Variants in GADL1 observed in about 807,000 individuals in gnomAD.
The protein encoded by GADL1 is acidic amino acid decarboxylase GADL1.
Under a neutral mutation model 69.5 loss-of-function variants are expected in GADL1, and 71 were observed. That is an observed-to-expected ratio of 1.02 (90% confidence interval 0.84 to 1.25). The LOEUF is 1.25. Among genes scored for constraint, GADL1 ranks in the 50% most tolerant of loss-of-function variants. GADL1 has a pLI of 0.00. For missense variants in GADL1, 737 were observed against 631.8 expected (o/e 1.17, Z -1.79); for synonymous variants, 254 against 214.4 (o/e 1.18, Z -1.62).
chr3:30,760,579 C>A (rs900601978), intron 14 of GADL1, among the ~76,000 whole-genome samples: 2 of 152,160 alleles, frequency 1.3e-5, no homozygotes, highest in Non-Finnish European at 2.9e-5. Context: ...CATCTATACA[C>A]AAAATCTGTT....
intron 8 of GADL1, 61 bp downstream of exon 8, chr3:30,844,149 G>A (rs768782334): frequency 2.3e-6 from 3 of 1,300,482 alleles, no homozygotes; most frequent in African/African-American, 1.5e-5. Context: ...TCTTTCATAA[G>A]CGCGCGGGCG....
chr3:30,754,860 A>ATT (rs10687426), intron 14 of GADL1, among the ~76,000 whole-genome samples: 7,227 of 151,880 alleles, frequency 0.048, 555 homozygotes, highest in African/African-American at 0.16. Flanking sequence ...CAGGGCACTG[A>ATT]TTTTTTTTCT....
intron 13 of GADL1, among the ~76,000 whole-genome samples, chr3:30,781,810 A>C (rs1696671352): frequency 6.6e-6 from 1 of 152,228 alleles, no homozygotes; most frequent in African/African-American, 2.4e-5. Context: ...CACAGCAAGC[A>C]CTGGTCAGTT....
rs764490080 is a variant in GADL1 at position 30,839,514 on chromosome 3, C to CAAAAAAAAAAAAAAAA, written c.787-402_787-401insTTTTTTTTTTTTTTTT. On this transcript the variant is annotated intron_variant, in intron 8 of 14. Transcript: ENST00000282538. Reference sequence around the variant, plus strand: ...CATTGTGCCATCATTGTCATCTTCTCAAAAAAAAAAAAAGGTTGGAAGACA... The same window carrying CAAAAAAAAAAAAAAAA: ...CATTGTGCCATCATTGTCATCTTCTCAAAAAAAAAAAAAAAAAAAAAAAAAAAAAGGTTGGAAGACA... 6.5e-4 allele frequency among the ~76,000 whole-genome samples: 69 copies of CAAAAAAAAAAAAAAAA among 105,536 alleles called. 2 individuals carry two copies. The highest frequency in any genetic ancestry group is 1.4e-3 in the African/African-American group (28 of 20,318). 69.2% of individuals were successfully genotyped at this position (105,536 alleles called of 152,430 possible).
intron 6 of GADL1, among the ~76,000 whole-genome samples, chr3:30,844,737 TC>T (rs1221195195): frequency 6.6e-6 from 1 of 152,110 alleles, no homozygotes; most frequent in Non-Finnish European, 1.5e-5. Flanking sequence ...AATTTCCTAC[TC>T]TTTAAAGGGA....
intron 14 of GADL1, among the ~76,000 whole-genome samples, chr3:30,768,841 C>G (rs1371054772): frequency 6.6e-6 from 1 of 152,184 alleles, no homozygotes; most frequent in Non-Finnish European, 1.5e-5. Flanking sequence ...ATTTTCACAG[C>G]ATTTGTTCAC....
intron 1 of GADL1, among the ~76,000 whole-genome samples, chr3:30,862,252 C>CAG (rs1390037618): frequency 6.6e-6 from 1 of 152,006 alleles, no homozygotes; most frequent in Non-Finnish European, 1.5e-5. Context: ...ATCCTTTCCT[C>CAG]AGAGACAGCC....
At chr3:30,748,850 T>C (rs1352450439) in intron 14 of GADL1, among the ~76,000 whole-genome samples, 2 of 152,242 alleles carry the variant, frequency 1.3e-5, no homozygotes, top group East Asian at 1.9e-4. Context: ...TTTATTTATT[T>C]ATTTATTGAA....
In GADL1 at chr3:30,865,284, AATATAT is replaced by A. The variant is rs5847673; in HGVS notation, c.38-3525_38-3520del. On this transcript the variant is annotated intron_variant, in intron 1 of 14. Transcript: ENST00000282538. ...GGGATATATAATACCCACGTAAATT[AATATAT>A]ATATATATATATATATTTTTTAATA... is the stretch of plus-strand genomic sequence containing the variant. Among the ~76,000 whole-genome samples, 300 of 121,520 alleles carry A rather than the reference AATATAT, an allele frequency of 2.5e-3. 4 individuals carry two copies. The highest frequency in any genetic ancestry group is 0.012 in the African/African-American group (286 of 23,590). 79.7% of individuals were successfully genotyped at this position (121,520 alleles called of 152,430 possible). A position where few individuals can be genotyped will look rare whatever the true frequency, so the allele number is the denominator to read the frequency against.
intron 14 of GADL1, among the ~76,000 whole-genome samples, chr3:30,772,092 C>T (rs1207475625): frequency 6.6e-6 from 1 of 152,112 alleles, no homozygotes; most frequent in Non-Finnish European, 1.5e-5. Flanking sequence ...AGAAACCTGC[C>T]AGGGAGAATA....
intron 14 of GADL1, among the ~76,000 whole-genome samples, chr3:30,768,043 C>A (rs998668046): frequency 1.3e-5 from 2 of 151,100 alleles, no homozygotes; most frequent in African/African-American, 4.9e-5. Flanking sequence ...ATACCCCCCC[C>A]CCCCTTATCC....
chr3:30,763,347 C>T (rs1243478955), intron 14 of GADL1, among the ~76,000 whole-genome samples: 4 of 151,836 alleles, frequency 2.6e-5, no homozygotes, highest in Non-Finnish European at 5.9e-5. Context: ...AAAAATAACA[C>T]AAAAAATTAA....
intron 2 of GADL1, among the ~76,000 whole-genome samples, chr3:30,858,336 G>T (rs781751847): frequency 6.6e-6 from 1 of 152,030 alleles, no homozygotes; most frequent in African/African-American, 2.4e-5. Flanking sequence ...TAGGACAGGG[G>T]AATGAAAGGA....
At chr3:30,734,394 C>T (rs1442774444) in intron 14 of GADL1, among the ~76,000 whole-genome samples, 1 of 152,256 alleles carries the variant, frequency 6.6e-6, no homozygotes, top group East Asian at 1.9e-4. Context: ...CTGAATTATT[C>T]TGCCTGTAAA....
chr3:30,812,632 G>T (rs1452746753), intron 11 of GADL1, among the ~76,000 whole-genome samples: 1 of 152,130 alleles, frequency 6.6e-6, no homozygotes, highest in Non-Finnish European at 1.5e-5. Context: ...TTTGGGTGGG[G>T]ATAGAGGCAA....
At chr3:30,815,951 T>TA (rs963712985) in intron 11 of GADL1, among the ~76,000 whole-genome samples, 6 of 152,144 alleles carry the variant, frequency 3.9e-5, no homozygotes, top group Non-Finnish European at 7.3e-5. Flanking sequence ...GCATGTTATT[T>TA]ATGCTTTCTG....
At chr3:30,778,392 A>G (rs539243848) in intron 13 of GADL1, 124 bp from the exon 14 acceptor site, 1 of 638,142 alleles carries the variant, frequency 1.6e-6, no homozygotes, top group Non-Finnish European at 2.8e-6. Context: ...TTAACATCAG[A>G]ATCTTATAGA....
intron 11 of GADL1, among the ~76,000 whole-genome samples, chr3:30,805,202 G>T (rs1236036990): frequency 6.6e-6 from 1 of 152,078 alleles, no homozygotes; most frequent in African/African-American, 2.4e-5. Context: ...CAACTCCATT[G>T]TACATTTTGC....
At chr3:30,743,799 G>C (rs988459527) in intron 14 of GADL1, among the ~76,000 whole-genome samples, 12 of 152,292 alleles carry the variant, frequency 7.9e-5, no homozygotes, top group Non-Finnish European at 1.5e-4. Context: ...CCCACACACA[G>C]GGCCTGCTGT....
Sources: gnomAD v4.1 joint callset for allele counts (sites outside exome capture counted in the v4.1 genomes callset) on GRCh38, gnomAD v4.1.1 for gene constraint, MANE v1.5 for transcripts, NCBI Gene and HGNC (gene_info 2026-07-23, HGNC 2026-07-21) for gene names.